AKAP9: variants seen among roughly 807,000 people sequenced by gnomAD.
The protein encoded by AKAP9 is A-kinase anchoring protein 9, also known as A-kinase anchor protein 9.
In AKAP9, 311 loss-of-function variants were observed where a neutral mutation model predicts 488.5. The ratio of observed to expected loss-of-function variants is 0.64; its 90% CI spans 0.58 to 0.70. AKAP9 has a LOEUF of 0.70. Among genes scored for constraint, AKAP9 ranks in the 30% least tolerant of loss-of-function variants. The pLI is 0.00. For missense variants in AKAP9, 4,215 were observed against 4,374.5 expected (o/e 0.96, Z 1.03); for synonymous variants, 1,462 against 1,483.5 (o/e 0.99, Z 0.33).
rs2130588883 is a variant in AKAP9, at chr7:91,980,356, T to C, written c.351+23T>C. ...GAGGTAAGACTAAATTATATTGATT[T>C]CTAATATCATAAATGTATATTTATA... On this transcript the variant is annotated intron_variant, in intron 3 of 49. Transcript: ENST00000356239. The C allele has an allele frequency of 1.5e-6, 2 of 1,297,566 alleles. 1 individual carries two copies. Among genetic ancestry groups the C allele is most frequent in the South Asian group, 2.8e-5 (2 of 72,176 alleles). 80.4% of individuals were successfully genotyped at this position (1,297,566 alleles called of 1,614,324 possible).
At chr7:91,954,864 T>A (rs1792752157) in intron 1 of AKAP9, among the ~76,000 whole-genome samples, 1 of 152,178 alleles carries the variant, frequency 6.6e-6, no homozygotes, top group African/African-American at 2.4e-5. Flanking sequence ...GCCAGCTACT[T>A]TACTTGGTGT....
rs1271209944 is a variant in AKAP9 at position 92,102,622 on chromosome 7, A to G, written c.11126A>G (p.Glu3709Gly). The change falls in exon 46 of 50, where the codon GAA (glutamate) becomes GGA (glycine). Residue 3709 changes from glutamate (E) to glycine (G), a missense_variant. Glu to Gly is a moderately conservative substitution (Grantham distance 98, BLOSUM62 -2). Transcript: ENST00000356239. ...ATTTATGGTAAATACTTGAGGGCAG[A>G]AAGTTTTCGAAAGGCTCTCATTTAC... is the stretch of plus-strand genomic sequence containing the variant. ...KRIYGKYLRA[E>G]SFRKALIYQK... 1.2e-5 allele frequency: 19 copies of G among 1,614,088 alleles called. No individual in the cohort carries two copies. The highest frequency in any genetic ancestry group is 5.3e-5 in the African/African-American group (4 of 74,946).
intron 6 of AKAP9, 102 bp from the exon 7 acceptor site, chr7:91,995,501 G>C (rs879484709): frequency 4.7e-5 from 48 of 1,017,108 alleles, no homozygotes; most frequent in Non-Finnish European, 6.7e-5. Context: ...TCTCAAGCCT[G>C]CAGAGTTCCC....
chr7:91,997,441 C>A (rs1241062239), intron 7 of AKAP9, among the ~76,000 whole-genome samples: 1 of 152,120 alleles, frequency 6.6e-6, no homozygotes, highest in Non-Finnish European at 1.5e-5. Context: ...TTTGTTTCCC[C>A]AACAATTGGC....
Position 91,941,043 on chromosome 7 carries a change from TTTC to T in AKAP9, c.-55_-53del. 6.4e-7 allele frequency: 1 copy of T among 1,558,926 alleles called. No homozygotes were observed. Among genetic ancestry groups the T allele is most frequent in the East Asian group, 2.2e-5 (1 of 44,620 alleles). On this transcript the variant is annotated 5_prime_UTR_variant, in exon 1 of 50. Coordinates refer to ENST00000356239, the MANE Select transcript of AKAP9 (RefSeq NM_005751.5). ...CACCTCCGTCCAAATCGACCTTTCC[TTTC>T]TATCCCCAACCACCCCTCAACCCCT...
intron 21 of AKAP9, among the ~76,000 whole-genome samples, chr7:92,049,617 A>T (rs1052759038): frequency 6.6e-6 from 1 of 151,972 alleles, no homozygotes; most frequent in Admixed American, 6.6e-5. Flanking sequence ...TCTCAAAAAA[A>T]ATAATAATAA....
intron 38 of AKAP9, among the ~76,000 whole-genome samples, chr7:92,091,046 T>C (rs1433848982): frequency 2.0e-5 from 3 of 152,214 alleles, no homozygotes; most frequent in East Asian, 3.8e-4. Flanking sequence ...CTTTTTCATA[T>C]GGTAATTGGC....
chr7:92,063,566 C>T, intron 24 of AKAP9: 1 of 896,556 alleles, frequency 1.1e-6, no homozygotes, highest in Non-Finnish European at 1.3e-6. Flanking sequence ...ATGTGGGTGA[C>T]CTGGATTTTC....
chr7:92,011,977 A>G (rs1342580049), intron 8 of AKAP9, among the ~76,000 whole-genome samples: 1 of 152,142 alleles, frequency 6.6e-6, no homozygotes, highest in African/African-American at 2.4e-5. Context: ...GGCATGCACC[A>G]GTAGTCCTAA....
intron 30 of AKAP9, 78 bp from the exon 31 acceptor site, chr7:92,079,000 AC>A: frequency 1.1e-6 from 1 of 873,140 alleles, no homozygotes; most frequent in East Asian, 2.7e-5. Flanking sequence ...TCTTTGAGGT[AC>A]TGCCCTAAAA....
intron 3 of AKAP9, among the ~76,000 whole-genome samples, chr7:91,986,446 T>C (rs1416090765): frequency 6.6e-6 from 1 of 152,146 alleles, no homozygotes; most frequent in East Asian, 1.9e-4. Flanking sequence ...GGTACCTCAG[T>C]TGGAAATGCA....
At chr7:92,004,752 G>A (rs1315669308) in intron 8 of AKAP9, among the ~76,000 whole-genome samples, 12 of 152,162 alleles carry the variant, frequency 7.9e-5, no homozygotes, top group Non-Finnish European at 1.2e-4. Context: ...ATACAATCAC[G>A]TCATCTGCAA....
At chr7:91,984,200 C>T (rs1204177180) in intron 3 of AKAP9, among the ~76,000 whole-genome samples, 1 of 152,086 alleles carries the variant, frequency 6.6e-6, no homozygotes, top group Non-Finnish European at 1.5e-5. Flanking sequence ...TCATGAAGTC[C>T]TTGCCCATGC....
At chr7:92,028,158 A>G (rs1005809288) in intron 14 of AKAP9, among the ~76,000 whole-genome samples, 1 of 152,022 alleles carries the variant, frequency 6.6e-6, no homozygotes, top group African/African-American at 2.4e-5. Flanking sequence ...ACACTGCGGA[A>G]GGCCGCAGGG....
In AKAP9 at chr7:92,045,100, A is replaced by G. The variant is rs1164873284; in HGVS notation, c.5255A>G (p.His1752Arg). Residue 1752 changes from histidine to arginine, a missense_variant, in exon 21 of 50, where the codon CAT (histidine) becomes CGT (arginine). Around this residue, in one of 5 missense-constraint regions of AKAP9, gnomAD observed 2,361 missense variants for 2,430.0 expected, o/e 0.97. Coordinates refer to ENST00000356239, the MANE Select transcript of AKAP9 (RefSeq NM_005751.5). ...TAAVEETIGR[H>R]VLGILDRSSK... is the part of the protein sequence containing the mutation. Reference sequence around the variant, plus strand: ...GCTGTTGAAGAAACAATTGGTCGCCATGTCCTTGGGATTCTAGATAGATCT... The same window carrying G: ...GCTGTTGAAGAAACAATTGGTCGCCGTGTCCTTGGGATTCTAGATAGATCT... 3 of 1,613,648 alleles carry G rather than the reference A, an allele frequency of 1.9e-6. No individual in the cohort carries two copies. In the African/African-American group the frequency reaches 4.0e-5, roughly 22 times the overall value.
chr7:92,032,551 C>T (rs1172916899), intron 16 of AKAP9, among the ~76,000 whole-genome samples: 2 of 150,956 alleles, frequency 1.3e-5, no homozygotes, highest in African/African-American at 2.4e-5. Context: ...TATGAGTTTG[C>T]TTTTTTTGTA....
chr7:92,093,074 A>C, intron 38 of AKAP9, 23 bp from the exon 39 acceptor site: 1 of 1,589,676 alleles, frequency 6.3e-7, no homozygotes, highest in Admixed American at 1.7e-5. Flanking sequence ...TTATGTTTCA[A>C]ATATTAATCA....
chr7:92,073,948 A>C (rs1486806630), intron 28 of AKAP9, among the ~76,000 whole-genome samples: 1 of 152,232 alleles, frequency 6.6e-6, no homozygotes, highest in African/African-American at 2.4e-5. Flanking sequence ...ACCATTCAGG[A>C]CATAGGCATG....
chr7:92,038,559 A>G lies in AKAP9; in HGVS notation c.4479A>G (p.Leu1493=). ...AACATTATTTTAATGAAATGAAATT[A>G]TCACAGGATCAAATTGGTTTTCAGA... is the stretch of plus-strand genomic sequence containing the variant. ...QEQHYFNEMK[L]SQDQIGFQTF... The change falls in exon 17 of 50, where the codon TTA becomes TTG. Residue 1493 remains leucine (L), a synonymous_variant. Transcript: ENST00000356239. 1 of 1,613,994 alleles carries G rather than the reference A, an allele frequency of 6.2e-7. No individual in the cohort carries two copies.
Sources: gnomAD v4.1 joint callset for allele counts (sites outside exome capture counted in the v4.1 genomes callset) on GRCh38, gnomAD v4.1.1 for gene constraint, gnomAD v4.1.1 regional missense constraint, MANE v1.5 for transcripts, NCBI Gene and HGNC (gene_info 2026-07-23, HGNC 2026-07-21) for gene names.